RASAL2: variants seen among roughly 807,000 people sequenced by gnomAD.
The protein encoded by RASAL2 is ras GTPase-activating protein nGAP.
In RASAL2, 58 loss-of-function variants were observed where a neutral mutation model predicts 128.9. The observed-to-expected ratio is 0.45, with a 90% CI of 0.36 to 0.56. The LOEUF is 0.56. Ranked by LOEUF, RASAL2 falls within the 20% of genes least tolerant of loss-of-function variation. The probability of loss-of-function intolerance (pLI) is 0.00; values close to 1 mark genes in which losing one functional copy is unlikely to be tolerated. For synonymous variants in RASAL2, 561 were observed against 580.8 expected, an observed-to-expected ratio of 0.97 and a Z score of 0.49; for missense variants, 1,360 against 1,601.6, an observed-to-expected ratio of 0.85 and a Z score of 2.57.
intron 5 of RASAL2, among the ~76,000 whole-genome samples, chr1:178,434,385 T>C (rs1023887131): frequency 7.2e-5 from 11 of 152,138 alleles, no homozygotes; most frequent in Non-Finnish European, 1.5e-5. Flanking sequence ...AAGTACAAAG[T>C]AGGTAAGGAT....
At chr1:178,191,087 G>A (rs1290242532) in intron 1 of RASAL2, among the ~76,000 whole-genome samples, 5 of 152,056 alleles carry the variant, frequency 3.3e-5, no homozygotes, top group Admixed American at 2.6e-4. Flanking sequence ...GGATGCTTTC[G>A]GTCAGCCTAG....
intron 1 of RASAL2, among the ~76,000 whole-genome samples, chr1:178,161,144 C>CT (rs1297053925): frequency 6.6e-6 from 1 of 151,630 alleles, no homozygotes; most frequent in Non-Finnish European, 1.5e-5. Context: ...AAATACAGTA[C>CT]TTTTTTTCTT....
intron 1 of RASAL2, among the ~76,000 whole-genome samples, chr1:178,264,625 T>C (rs1665862195): frequency 6.6e-6 from 1 of 152,054 alleles, no homozygotes; most frequent in African/African-American, 2.4e-5. Context: ...GATGAGGAAG[T>C]ATATAGGGCA....
chr1:178,421,020 C>T (rs772270571), intron 5 of RASAL2, among the ~76,000 whole-genome samples: 1 of 152,100 alleles, frequency 6.6e-6, no homozygotes, highest in Non-Finnish European at 1.5e-5. Flanking sequence ...TTTATAATAA[C>T]CGTATATGAT....
intron 3 of RASAL2, among the ~76,000 whole-genome samples, chr1:178,385,074 A>G (rs1353924535): frequency 6.6e-6 from 1 of 152,226 alleles, no homozygotes; most frequent in Non-Finnish European, 1.5e-5. Context: ...CTCAGTTAAT[A>G]TGATAGACAT....
In RASAL2 at chr1:178,339,519, T is replaced by C. The variant is rs1306152271; in HGVS notation, c.457+39401T>C. On this transcript the variant is annotated intron_variant, in intron 3 of 17. Coordinates refer to ENST00000367649, the MANE Select transcript of RASAL2 (RefSeq NM_170692.4). Reference sequence around the variant, plus strand: ...CTAGAAAGTGGCCGAAATTCATGTCTCTGTAGTGAATCCCTCATTGGTTAC... The same window carrying C: ...CTAGAAAGTGGCCGAAATTCATGTCCCTGTAGTGAATCCCTCATTGGTTAC... 1.3e-5 allele frequency among the ~76,000 whole-genome samples: 2 copies of C among 152,156 alleles called. 1 individual carries two copies. Among genetic ancestry groups the C allele is most frequent in the Non-Finnish European group, 2.9e-5 (2 of 68,026 alleles).
intron 1 of RASAL2, among the ~76,000 whole-genome samples, chr1:178,195,479 G>A (rs950670930): frequency 1.3e-5 from 2 of 152,064 alleles, no homozygotes; most frequent in East Asian, 1.9e-4. Context: ...GGCACTTATT[G>A]TGTGGCTCCC....
intron 1 of RASAL2, among the ~76,000 whole-genome samples, chr1:178,255,060 C>G (rs1003396980): frequency 6.6e-6 from 1 of 151,948 alleles, no homozygotes; most frequent in Non-Finnish European, 1.5e-5. Flanking sequence ...CCCAAAAAAA[C>G]TGTCAACCAA....
intron 3 of RASAL2, among the ~76,000 whole-genome samples, chr1:178,354,198 G>A (rs1374460989): frequency 6.6e-6 from 1 of 152,074 alleles, no homozygotes; most frequent in Admixed American, 6.5e-5. Flanking sequence ...ATGCAAAGTA[G>A]ATTTAATATT....
chr1:178,265,448 A>G (rs1339222735), intron 1 of RASAL2, among the ~76,000 whole-genome samples: 2 of 152,116 alleles, frequency 1.3e-5, no homozygotes, highest in Non-Finnish European at 2.9e-5. Flanking sequence ...GAAAAACGTT[A>G]TTATTGTATG....
chr1:178,329,102 A>T (rs1669173560), intron 3 of RASAL2, among the ~76,000 whole-genome samples: 1 of 152,232 alleles, frequency 6.6e-6, no homozygotes, highest in Admixed American at 6.5e-5. Flanking sequence ...CAGTACAGTT[A>T]AAAGCCTCTG....
chr1:178,282,765 TA>T (rs898108209), intron 1 of RASAL2, among the ~76,000 whole-genome samples: 3 of 152,170 alleles, frequency 2.0e-5, no homozygotes, highest in African/African-American at 7.2e-5. Context: ...ACTTTTAATA[TA>T]TATCGAACTG....
At chr1:178,414,538 G>C (rs1674626556) in intron 4 of RASAL2, among the ~76,000 whole-genome samples, 1 of 152,114 alleles carries the variant, frequency 6.6e-6, no homozygotes, top group Non-Finnish European at 1.5e-5. Flanking sequence ...GGTGGGAGTG[G>C]CTATGCATGT....
intron 1 of RASAL2, among the ~76,000 whole-genome samples, chr1:178,210,081 C>T (rs974884883): frequency 6.6e-6 from 1 of 151,902 alleles, no homozygotes; most frequent in Non-Finnish European, 1.5e-5. Context: ...CTTTACTCTT[C>T]TATTTTTATA....
At chr1:178,249,508 TTTG>T (rs370548037) in intron 1 of RASAL2, among the ~76,000 whole-genome samples, 3 of 151,852 alleles carry the variant, frequency 2.0e-5, no homozygotes, top group African/African-American at 7.2e-5. Context: ...CTCAGAGGAG[TTTG>T]TTATTACCCA....
chr1:178,228,524 AT>A (rs951637507), intron 1 of RASAL2, among the ~76,000 whole-genome samples: 10 of 152,308 alleles, frequency 6.6e-5, no homozygotes, highest in African/African-American at 2.2e-4. Flanking sequence ...GGAGGTTGCA[AT>A]GAGCCAAGCG....
intron 1 of RASAL2, among the ~76,000 whole-genome samples, chr1:178,236,756 CTTTTTTTT>C (rs549848632): frequency 1.7e-5 from 2 of 118,428 alleles, no homozygotes; most frequent in Non-Finnish European, 3.4e-5. Context: ...TTGGACACTA[CTTTTTTTT>C]TTTTTTTTTT....
At chr1:178,409,213 AG>A (rs1674196546) in intron 4 of RASAL2, among the ~76,000 whole-genome samples, 1 of 152,152 alleles carries the variant, frequency 6.6e-6, no homozygotes, top group Non-Finnish European at 1.5e-5. Context: ...AGATGATCTG[AG>A]GACACACTGC....
intron 15 of RASAL2, 150 bp from the exon 16 acceptor site, chr1:178,465,770 C>T (rs1365020516): frequency 1.6e-6 from 1 of 643,000 alleles, no homozygotes; most frequent in African/African-American, 1.9e-5. Flanking sequence ...GCACAGCCAG[C>T]ATCTAGCTAC....
Sources: gnomAD v4.1 joint callset for allele counts (sites outside exome capture counted in the v4.1 genomes callset) on GRCh38, gnomAD v4.1.1 for gene constraint, MANE v1.5 for transcripts, NCBI Gene and HGNC (gene_info 2026-07-23, HGNC 2026-07-21) for gene names.